The following IMMP2L variants were observed in gnomAD, a reference collection of about 807,000 sequenced individuals.
IMMP2L encodes the protein mitochondrial inner membrane protease subunit 2.
IMMP2L carries 18 observed loss-of-function variants against 19.3 expected under a neutral mutation model. That is an observed-to-expected ratio of 0.93 (90% CI 0.64 to 1.38). IMMP2L has a LOEUF of 1.38. Among genes scored for constraint, IMMP2L ranks in the 40% most tolerant of loss-of-function variants. The pLI is 0.00. For synonymous variants in IMMP2L, 76 were observed against 73.0 expected, an observed-to-expected ratio of 1.04 and a Z score of -0.21; for missense variants, 233 against 218.2, an observed-to-expected ratio of 1.07 and a Z score of -0.43.
At chr7:110,777,386 G>A (rs927871647) in intron 5 of IMMP2L, among the ~76,000 whole-genome samples, 25 of 152,066 alleles carry the variant, frequency 1.6e-4, no homozygotes, top group African/African-American at 5.3e-4. Flanking sequence ...TAAGCAAGAT[G>A]TAGTCATCCG....
chr7:111,271,106 T>A (rs1818414232), intron 3 of IMMP2L, among the ~76,000 whole-genome samples: 1 of 152,086 alleles, frequency 6.6e-6, no homozygotes, highest in Non-Finnish European at 1.5e-5. Flanking sequence ...GCTGTTCTTA[T>A]GATAGTGAGT....
intron 4 of IMMP2L, among the ~76,000 whole-genome samples, chr7:110,893,221 G>C (rs945364791): frequency 7.9e-5 from 12 of 152,048 alleles, no homozygotes; most frequent in African/African-American, 2.7e-4. Context: ...AAAAAATGCT[G>C]ACAGACACAC....
rs567292241 is a variant in IMMP2L, at chr7:111,480,153, G to C, written c.239+7085C>G. Among the ~76,000 whole-genome samples the C allele has an allele frequency of 4.8e-3, 711 of 149,684 alleles. 5 individuals are homozygous for C. The highest frequency in any genetic ancestry group is 0.017 in the African/African-American group (678 of 40,564). ...GGCTGGAGTGCAGTGGCGCAATCTCGGCTCACTGCAAGCTCCGCCTCCCAG... is the reference window on the plus strand; with the variant it reads ...GGCTGGAGTGCAGTGGCGCAATCTCCGCTCACTGCAAGCTCCGCCTCCCAG... On this transcript the variant is annotated intron_variant, in intron 3 of 5. Coordinates refer to ENST00000405709, the MANE Select transcript of IMMP2L (RefSeq NM_032549.4).
chr7:110,766,411 C>T (rs146040414), intron 5 of IMMP2L, among the ~76,000 whole-genome samples: 298 of 151,822 alleles, frequency 2.0e-3, no homozygotes, highest in African/African-American at 5.8e-3. Context: ...GCCCACATGG[C>T]GAAGTCCCGT....
intron 3 of IMMP2L, among the ~76,000 whole-genome samples, chr7:111,474,549 C>CATATT (rs1387601649): frequency 6.6e-6 from 1 of 151,848 alleles, no homozygotes; most frequent in Non-Finnish European, 1.5e-5. Flanking sequence ...CCTAATTATC[C>CATATT]ATATTGCTTT....
intron 3 of IMMP2L, among the ~76,000 whole-genome samples, chr7:111,398,847 T>A (rs1833137043): frequency 7.3e-6 from 1 of 137,222 alleles, no homozygotes. Flanking sequence ...AAGCAGAGAA[T>A]CAAATAAAGA....
At chr7:111,083,467 C>T (rs1055718345) in intron 3 of IMMP2L, among the ~76,000 whole-genome samples, 2 of 152,128 alleles carry the variant, frequency 1.3e-5, no homozygotes, top group Non-Finnish European at 2.9e-5. Context: ...AATCTGGTTA[C>T]ACATAAGCAA....
chr7:110,811,814 T>C (rs544617910), intron 5 of IMMP2L, among the ~76,000 whole-genome samples: 247 of 152,126 alleles, frequency 1.6e-3, no homozygotes, highest in African/African-American at 5.8e-3. Context: ...CCTTCCCTAG[T>C]TGTTAGTCCA....
At chr7:110,982,213 C>A (rs978111030) in intron 3 of IMMP2L, among the ~76,000 whole-genome samples, 1 of 152,030 alleles carries the variant, frequency 6.6e-6, no homozygotes, top group Non-Finnish European at 1.5e-5. Context: ...ACATAGATAC[C>A]TTTGAGCTGC....
At chr7:111,390,461 A>T (rs952860713) in intron 3 of IMMP2L, 1 of 152,162 alleles carries the variant, frequency 6.6e-6, no homozygotes, top group African/African-American at 2.4e-5. Context: ...ACATAGCTTG[A>T]TATAGGCACA....
chr7:110,915,619 C>A (rs745456436), intron 4 of IMMP2L, among the ~76,000 whole-genome samples: 1 of 152,146 alleles, frequency 6.6e-6, no homozygotes, highest in Non-Finnish European at 1.5e-5. Flanking sequence ...AGTGTACTCA[C>A]TGAGGACCAT....
intron 5 of IMMP2L, among the ~76,000 whole-genome samples, chr7:110,768,308 G>GAAAAAAAAAAAAAAAA (rs56248524): frequency 8.3e-6 from 1 of 120,874 alleles, no homozygotes; most frequent in African/African-American, 3.0e-5. Context: ...GAAAAGAAAG[G>GAAAAAAAAAAAAAAAA]AAAAAAAAAA....
At chr7:110,729,831 T>C (rs1288568533) in intron 5 of IMMP2L, among the ~76,000 whole-genome samples, 2 of 152,098 alleles carry the variant, frequency 1.3e-5, no homozygotes, top group African/African-American at 2.4e-5. Flanking sequence ...ACCTGGGTGA[T>C]GGGTTGATCT....
At chr7:110,691,927 A>G (rs1256819404) in intron 5 of IMMP2L, among the ~76,000 whole-genome samples, 3 of 152,218 alleles carry the variant, frequency 2.0e-5, no homozygotes, top group African/African-American at 7.2e-5. Context: ...AAGTAGATTT[A>G]CCATTCAATC....
chr7:110,691,304 A>C (rs181403597), intron 5 of IMMP2L, among the ~76,000 whole-genome samples: 20 of 152,274 alleles, frequency 1.3e-4, no homozygotes, highest in African/African-American at 4.8e-4. Flanking sequence ...CTCTTACCAT[A>C]CACAAAAATA....
At chr7:110,852,314 T>C (rs1384535677) in intron 5 of IMMP2L, among the ~76,000 whole-genome samples, 1 of 151,906 alleles carries the variant, frequency 6.6e-6, no homozygotes, top group Non-Finnish European at 1.5e-5. Flanking sequence ...CACATACATA[T>C]ACATACACAC....
At chr7:111,532,710 A>G (rs1847516465) in intron 1 of IMMP2L, 1 of 152,192 alleles carries the variant, frequency 6.6e-6, no homozygotes, top group South Asian at 2.1e-4. Flanking sequence ...AATGATAAAT[A>G]CAAAAAAATT....
At chr7:111,249,770 C>A (rs892349191) in intron 3 of IMMP2L, among the ~76,000 whole-genome samples, 10 of 152,076 alleles carry the variant, frequency 6.6e-5, no homozygotes, top group Non-Finnish European at 1.2e-4. Flanking sequence ...CTCAAAATAA[C>A]CAGAGCCATA....
At chr7:111,357,359 CCA>C (rs1828820595) in intron 3 of IMMP2L, among the ~76,000 whole-genome samples, 1 of 152,110 alleles carries the variant, frequency 6.6e-6, no homozygotes, top group African/African-American at 2.4e-5. Context: ...CAAAACCTCA[CCA>C]CACAGCATGA....
Sources: gnomAD v4.1 joint callset for allele counts (sites outside exome capture counted in the v4.1 genomes callset) on GRCh38, gnomAD v4.1.1 for gene constraint, MANE v1.5 for transcripts, NCBI Gene and HGNC (gene_info 2026-07-23, HGNC 2026-07-21) for gene names.